Variants in CALN1 observed in about 807,000 individuals in gnomAD.
The protein encoded by CALN1 is calneuron 1.
CALN1 carries 17 observed loss-of-function variants against 30.6 expected under a neutral mutation model. That is an observed-to-expected ratio of 0.56 (90% CI 0.38 to 0.83). The LOEUF is 0.83. CALN1 is among the 40% of genes least tolerant of loss of function. The pLI, the probability that CALN1 is intolerant of heterozygous loss-of-function variation, is 0.00. For missense variants in CALN1, 291 were observed against 354.9 expected (o/e 0.82, Z 1.45); for synonymous variants, 156 against 131.4 (o/e 1.19, Z -1.28).
chr7:71,917,093 G>T (rs1234542746), intron 5 of CALN1, among the ~76,000 whole-genome samples: 1 of 152,292 alleles, frequency 6.6e-6, no homozygotes, highest in African/African-American at 2.4e-5. Flanking sequence ...AGTTGAGAAG[G>T]TGCTTTTCTG....
intron 3 of CALN1, among the ~76,000 whole-genome samples, chr7:72,227,246 A>G (rs1423790241): frequency 6.6e-6 from 1 of 151,860 alleles, no homozygotes; most frequent in Non-Finnish European, 1.5e-5. Context: ...TAAAAAAAAA[A>G]AAAAAGAGGG....
intron 3 of CALN1, among the ~76,000 whole-genome samples, chr7:72,119,101 C>T (rs1288446060): frequency 1.3e-5 from 2 of 152,148 alleles, no homozygotes; most frequent in Non-Finnish European, 2.9e-5. Context: ...TGTTTATTTT[C>T]TTTGCTCATG....
intron 3 of CALN1, among the ~76,000 whole-genome samples, chr7:72,199,872 G>T (rs573572966): frequency 6.6e-6 from 1 of 151,954 alleles, no homozygotes; most frequent in Non-Finnish European, 1.5e-5. Flanking sequence ...CTGAGCCAAC[G>T]GTCAAACTAT....
chr7:72,140,184 T>C (rs559292759), intron 3 of CALN1, among the ~76,000 whole-genome samples: 5 of 151,266 alleles, frequency 3.3e-5, no homozygotes, highest in Non-Finnish European at 7.4e-5. Flanking sequence ...GGCAAGAGGA[T>C]CACTTGAGCC....
At chr7:72,403,667 C>T (rs947116255) in intron 1 of CALN1, among the ~76,000 whole-genome samples, 10 of 152,182 alleles carry the variant, frequency 6.6e-5, no homozygotes. Context: ...CAATAATGGG[C>T]TTTTGGAGCC....
chr7:72,271,575 A>AAAAATATATATAT lies in CALN1; in HGVS notation c.244+7110_244+7111insATATATATATTTT. ...CTGTGCCTGCCTTTTAAAAAAAAAA[A>AAAAATATATATAT]ATATATATATATATATATAGTTTTC... is the stretch of plus-strand genomic sequence containing the variant. On this transcript the variant is annotated intron_variant, in intron 3 of 6. Coordinates refer to ENST00000395275, the MANE Select transcript of CALN1 (RefSeq NM_031468.4). Among the ~76,000 whole-genome samples the AAAAATATATATAT allele has an allele frequency of 2.1e-3, 107 of 52,104 alleles. 5 individuals are homozygous for AAAAATATATATAT. Among genetic ancestry groups the AAAAATATATATAT allele is most frequent in the Admixed American group, 7.9e-3 (40 of 5,094 alleles). The allele number at this position is 52,104 out of a possible 152,430, so 34.2% of individuals were successfully genotyped here.
At chr7:71,884,703 A>G (rs898580211) in intron 5 of CALN1, among the ~76,000 whole-genome samples, 2 of 152,148 alleles carry the variant, frequency 1.3e-5, no homozygotes, top group Admixed American at 1.3e-4. Context: ...CTTATATATC[A>G]TGATTTACTT....
chr7:72,023,585 G>T (rs190377674), intron 5 of CALN1, 72 bp downstream of exon 5: 3 of 1,130,514 alleles, frequency 2.7e-6, no homozygotes, highest in African/African-American at 3.1e-5. Context: ...AGAAGTTCAA[G>T]AATTCAGTCA....
At chr7:71,963,512 C>A (rs989958753) in intron 5 of CALN1, among the ~76,000 whole-genome samples, 1 of 151,954 alleles carries the variant, frequency 6.6e-6, no homozygotes, top group Non-Finnish European at 1.5e-5. Context: ...GCCATGTTGG[C>A]CAGGCTGGTC....
intron 3 of CALN1, among the ~76,000 whole-genome samples, chr7:72,164,735 G>C (rs1788393969): frequency 6.6e-6 from 1 of 152,270 alleles, no homozygotes; most frequent in Admixed American, 6.5e-5. Context: ...GGAGGGCAGT[G>C]GCATGATCAT....
At chr7:72,098,760 GCGCGCACA>G (rs777996624) in intron 4 of CALN1, among the ~76,000 whole-genome samples, 112 of 101,366 alleles carry the variant, frequency 1.1e-3, no homozygotes, top group African/African-American at 2.2e-3. Context: ...AGCCCATTTG[GCGCGCACA>G]CACACACACA....
intron 3 of CALN1, among the ~76,000 whole-genome samples, chr7:72,139,629 T>C (rs190428628): frequency 1.1e-3 from 162 of 149,852 alleles, no homozygotes; most frequent in African/African-American, 3.7e-3. Context: ...TCTAAGCCTC[T>C]CATCCATGCC....
intron 2 of CALN1, among the ~76,000 whole-genome samples, chr7:72,323,776 G>A (rs565474513): frequency 3.3e-4 from 51 of 152,302 alleles, no homozygotes; most frequent in Admixed American, 1.8e-3. Context: ...GAGCACGGTG[G>A]CTCATGCCTG....
At chr7:72,264,869 ATTGTT>A (rs1796507760) in intron 3 of CALN1, among the ~76,000 whole-genome samples, 1 of 152,042 alleles carries the variant, frequency 6.6e-6, no homozygotes, top group Non-Finnish European at 1.5e-5. Flanking sequence ...CCCAGTGTGT[ATTGTT>A]CCCCTCTATG....
At chr7:72,489,740 C>T in the CALN1 span, among the ~76,000 whole-genome samples, 1 of 152,184 alleles carries the variant, frequency 6.6e-6, no homozygotes, top group East Asian at 1.9e-4. Flanking sequence ...GGGTGGGTCC[C>T]ATGGTAGCCC....
In CALN1 at chr7:71,787,618, C is replaced by G. The variant is rs1043008881; in HGVS notation, c.*157G>C. ...AAGGAGATGAAGCTGAAGTGCAACC[C>G]CAGTTGCACTCAACCTTGGGTTCTT... On this transcript the variant is annotated 3_prime_UTR_variant, in exon 7 of 7. Transcript: ENST00000395275. The G allele has an allele frequency of 3.1e-6, 3 of 980,954 alleles. No homozygotes were observed. Among genetic ancestry groups the G allele is most frequent in the African/African-American group, 3.3e-5 (2 of 61,456 alleles). 60.8% of individuals were successfully genotyped at this position (980,954 alleles called of 1,614,324 possible). A position where few individuals can be genotyped will look rare whatever the true frequency, so the allele number is the denominator to read the frequency against.
chr7:72,487,757 G>A, the CALN1 span, among the ~76,000 whole-genome samples: 2 of 112,860 alleles, frequency 1.8e-5, no homozygotes, highest in Admixed American at 9.7e-5. Flanking sequence ...AAGGAAGGAA[G>A]GAAGGGTAAA....
At chr7:72,310,363 T>C (rs1799956662) in intron 2 of CALN1, among the ~76,000 whole-genome samples, 1 of 149,606 alleles carries the variant, frequency 6.7e-6, no homozygotes. Flanking sequence ...GGTCAGAAGA[T>C]AATGCATCCA....
intron 3 of CALN1, among the ~76,000 whole-genome samples, chr7:72,257,156 A>T (rs1443722319): frequency 6.6e-6 from 1 of 152,190 alleles, no homozygotes; most frequent in Non-Finnish European, 1.5e-5. Flanking sequence ...GGAAACTGCC[A>T]CTTACAAAAC....
Sources: allele counts gnomAD v4.1 joint callset (sites outside exome capture counted in the v4.1 genomes callset), GRCh38; gene constraint gnomAD v4.1.1; transcripts MANE v1.5; gene names NCBI Gene and HGNC (gene_info 2026-07-23, HGNC 2026-07-21).